The following GTPBP4 variants were observed in gnomAD, a reference collection of about 807,000 sequenced individuals.
The protein encoded by GTPBP4 is GTP binding protein 4, also known as GTP-binding protein 4.
Under a neutral mutation model 81.7 loss-of-function variants are expected in GTPBP4, and 15 were observed. The observed-to-expected ratio is 0.18, with a 90% confidence interval of 0.12 to 0.28. The LOEUF is 0.28. Among genes scored for constraint, GTPBP4 ranks in the 10% least tolerant of loss-of-function variants. The pLI is 1.00. For synonymous variants in GTPBP4, 272 were observed against 274.6 expected (o/e 0.99, Z 0.09); for missense variants, 847 against 793.8 (o/e 1.07, Z -0.81).
intron 14 of GTPBP4, among the ~76,000 whole-genome samples, chr10:1,013,800 G>A (rs1220850014): frequency 2.0e-5 from 3 of 152,166 alleles, no homozygotes; most frequent in African/African-American, 7.2e-5. Context: ...GGGTCTTCCT[G>A]TTTGAATACA....
At chr10:1,010,087 A>C (rs1831823849) in intron 12 of GTPBP4, among the ~76,000 whole-genome samples, 1 of 148,322 alleles carries the variant, frequency 6.7e-6, no homozygotes, top group African/African-American at 2.5e-5. Flanking sequence ...AGCTTTCTCC[A>C]CGTGTGGGTG....
At chr10:995,294 C>T (rs1421222146) in intron 2 of GTPBP4, among the ~76,000 whole-genome samples, 2 of 152,098 alleles carry the variant, frequency 1.3e-5, no homozygotes, top group African/African-American at 2.4e-5. Flanking sequence ...TCAGACTCTC[C>T]ACCTAGAAGC....
intron 10 of GTPBP4, chr10:1,007,834 T>G (rs1831772727): frequency 1.0e-5 from 5 of 501,714 alleles, no homozygotes; most frequent in Non-Finnish European, 2.0e-5. Context: ...TGTTGTGTGT[T>G]TATGTAATGC....
At chr10:1,009,922 G>A (rs1328104193) in intron 12 of GTPBP4, among the ~76,000 whole-genome samples, 5 of 152,352 alleles carry the variant, frequency 3.3e-5, no homozygotes, top group South Asian at 2.1e-4. Context: ...TTGACCCTAG[G>A]AGGACAAGGC....
rs536334416 is a variant in GTPBP4, at chr10:991,443, A to G, written c.49-1046A>G. 3.3e-5 allele frequency among the ~76,000 whole-genome samples: 5 copies of G among 152,334 alleles called. No homozygotes were observed. In the East Asian group the frequency reaches 9.6e-4, roughly 29 times the overall value. ...ACTCTTTGCACTGGGTAACTCATGC[A>G]AAAATCCTTCATCTCCTCAAATAGT... On this transcript the variant is annotated intron_variant, in intron 1 of 16. Transcript: ENST00000360803.
At chr10:1,013,083 A>G (rs1248534749) in intron 14 of GTPBP4, among the ~76,000 whole-genome samples, 1 of 151,934 alleles carries the variant, frequency 6.6e-6, no homozygotes, top group Non-Finnish European at 1.5e-5. Context: ...TCGCGGGTTC[A>G]AGCAATTCTC....
At chr10:1,001,082 G>A in intron 8 of GTPBP4, 69 bp downstream of exon 8, 1 of 1,068,884 alleles carries the variant, frequency 9.4e-7, no homozygotes, top group Non-Finnish European at 1.4e-6. Context: ...GACAACCAAA[G>A]TTTAGATGAA....
rs773573405 is a variant in GTPBP4 at position 995,897 on chromosome 10, A to G, written c.220-32A>G. 2 of 1,303,948 alleles carry G rather than the reference A, an allele frequency of 1.5e-6. 1 individual carries two copies. Among genetic ancestry groups the G allele is most frequent in the Non-Finnish European group, 2.2e-6 (2 of 902,668 alleles). 80.8% of individuals were successfully genotyped at this position (1,303,948 alleles called of 1,614,324 possible). A position where few individuals can be genotyped will look rare whatever the true frequency, so the allele number is the denominator to read the frequency against. ...GTAGGGATGAAAAACTGCTGGCCCC[A>G]AGTGACCGTGGTGTGCTTTTGTTTG... is the stretch of plus-strand genomic sequence containing the variant. On this transcript the variant is annotated intron_variant, in intron 2 of 16. Coordinates refer to ENST00000360803, the MANE Select transcript of GTPBP4 (RefSeq NM_012341.3).
At chr10:993,946 A>G (rs1190186998) in intron 2 of GTPBP4, among the ~76,000 whole-genome samples, 32 of 151,624 alleles carry the variant, frequency 2.1e-4, no homozygotes, top group Admixed American at 2.1e-3. Flanking sequence ...TTTAGTAGAG[A>G]CAGGGTTTCA....
At chr10:996,373 C>A in intron 4 of GTPBP4, 131 bp downstream of exon 4, 1 of 665,498 alleles carries the variant, frequency 1.5e-6, no homozygotes, top group Non-Finnish European at 2.4e-6. Context: ...CTAGCTTTAC[C>A]TATGAGAAAC....
At position 1,014,307 on chromosome 10, in the gene GTPBP4, G is replaced by A. The variant is rs371086898; in HGVS notation, c.1603G>A (p.Asp535Asn). 38 of 1,605,260 alleles carry A rather than the reference G, an allele frequency of 2.4e-5. No homozygotes were observed. The Middle Eastern group carries it at 4.9e-4, about 21-fold the overall frequency. ...RSLGVDMDDK[D>N]DAHYAVQARR... ...TCTTGGTGTTGACATGGACGATAAA[G>A]ACGATGTGAGTGTGGGGGCGGTTCA... The change falls in exon 15 of 17, where the codon GAC (aspartate) becomes AAC (asparagine). Residue 535 changes from aspartate to asparagine, a missense_variant. Coordinates refer to ENST00000360803, the MANE Select transcript of GTPBP4 (RefSeq NM_012341.3).
chr10:1,005,839 T>G lies in GTPBP4; in HGVS notation c.934T>G (p.Ser312Ala). 6.3e-7 allele frequency: 1 copy of G among 1,597,970 alleles called. No homozygotes were observed. The highest frequency in any genetic ancestry group is 8.6e-7 in the Non-Finnish European group (1 of 1,166,090). ...CCAGAAAATATTTACAGATTTGCAGTCTGAAGGATTCCCTGTAATAGAGAC... is the reference window on the plus strand; with the variant it reads ...CCAGAAAATATTTACAGATTTGCAGGCTGAAGGATTCCCTGTAATAGAGAC... The part of the protein sequence containing the change: ...DDQKIFTDLQ[S>A]EGFPVIETST... Residue 312 changes from serine (S) to alanine (A), a missense_variant, in exon 9 of 17, where the codon TCT (serine) becomes GCT (alanine). Around this residue, in one of 3 missense-constraint regions of GTPBP4, gnomAD observed 600 missense variants for 557.1 expected, o/e 1.08. Coordinates refer to ENST00000360803, the MANE Select transcript of GTPBP4 (RefSeq NM_012341.3).
At chr10:1,006,499 G>C (rs556063791) in intron 9 of GTPBP4, among the ~76,000 whole-genome samples, 1 of 152,150 alleles carries the variant, frequency 6.6e-6, no homozygotes, top group African/African-American at 2.4e-5. Context: ...TTAGCCGGGC[G>C]TGGTAGCGCA....
chr10:1,019,790 C>T lies in GTPBP4; in HGVS notation c.*2563C>T, dbSNP rs1564473969. ...CTCCCCAAATTCTGTCTGATTTTGC[C>T]TTGTGGTGATAGATTGTCATGAACA... On this transcript the variant is annotated 3_prime_UTR_variant, in exon 17 of 17. Coordinates refer to ENST00000360803, the MANE Select transcript of GTPBP4 (RefSeq NM_012341.3). The T allele has an allele frequency of 3.7e-6, 6 of 1,613,894 alleles. No individual in the cohort carries two copies. The highest frequency in any genetic ancestry group is 1.6e-4 in the Middle Eastern group (1 of 6,082).
At chr10:996,420 C>G (rs953523831) in intron 4 of GTPBP4, 178 bp downstream of exon 4, 2 of 468,610 alleles carry the variant, frequency 4.3e-6, no homozygotes, top group African/African-American at 2.0e-5. Context: ...TAAATACTTA[C>G]AAATCAATAG....
intron 10 of GTPBP4, among the ~76,000 whole-genome samples, chr10:1,008,571 A>G (rs538878777): frequency 2.0e-5 from 3 of 152,284 alleles, no homozygotes; most frequent in Admixed American, 6.5e-5. Flanking sequence ...TTGAATTCTT[A>G]TATGCACTTG....
At chr10:994,375 T>C (rs747778637) in intron 2 of GTPBP4, among the ~76,000 whole-genome samples, 2 of 152,036 alleles carry the variant, frequency 1.3e-5, no homozygotes, top group Non-Finnish European at 2.9e-5. Context: ...TTCAAGCGAT[T>C]CTCCCACCTC....
rs1279895824 is a variant in GTPBP4, at chr10:988,730, C to T, written c.48+203C>T. 11 of 588,948 alleles carry T rather than the reference C, an allele frequency of 1.9e-5. No homozygotes were observed. The Admixed American group carries it at 2.4e-4, about 13-fold the overall frequency. The allele number at this position is 588,948 out of a possible 1,614,324, so 36.5% of individuals were successfully genotyped here. ...GGGGTCCACCAGAGATCGGATCCCC[C>T]AGAGACCGGGGTCCACCTAAGACCG... is the stretch of plus-strand genomic sequence containing the variant. On this transcript the variant is annotated intron_variant, in intron 1 of 16. Transcript: ENST00000360803.
chr10:1,014,367 A>G, intron 15 of GTPBP4, 55 bp downstream of exon 15: 1 of 1,321,486 alleles, frequency 7.6e-7, no homozygotes, highest in Non-Finnish European at 1.1e-6. Context: ...TTTTTAATAA[A>G]GAAAACTGGC....
Sources: gnomAD v4.1 joint callset for allele counts (sites outside exome capture counted in the v4.1 genomes callset) on GRCh38, gnomAD v4.1.1 for gene constraint, gnomAD v4.1.1 regional missense constraint, MANE v1.5 for transcripts, NCBI Gene and HGNC (gene_info 2026-07-23, HGNC 2026-07-21) for gene names.